Variants in ACSS3 observed in about 807,000 individuals in gnomAD.
ACSS3 encodes acyl-CoA synthetase short chain family member 3.
In ACSS3, 64 loss-of-function variants were observed where a neutral mutation model predicts 84.2. That is an observed-to-expected ratio of 0.76 (90% confidence interval 0.62 to 0.94). ACSS3 has a LOEUF of 0.94. Among genes scored for constraint, ACSS3 ranks in the 40% least tolerant of loss-of-function variants. The probability of loss-of-function intolerance (pLI) is 0.00; values close to 1 mark genes in which losing one functional copy is unlikely to be tolerated. For missense variants in ACSS3, 815 were observed against 867.6 expected (o/e 0.94, Z 0.76); for synonymous variants, 317 against 310.1 (o/e 1.02, Z -0.23).
At chr12:81,241,782 G>A (rs1386877872) in intron 13 of ACSS3, among the ~76,000 whole-genome samples, 7 of 151,772 alleles carry the variant, frequency 4.6e-5, no homozygotes, top group East Asian at 3.9e-4. Context: ...CCCATTTTGT[G>A]GGTTGCCTGT....
chr12:81,118,891 G>A, intron 2 of ACSS3, among the ~76,000 whole-genome samples: 1 of 152,088 alleles, frequency 6.6e-6, no homozygotes, highest in Non-Finnish European at 1.5e-5. Flanking sequence ...CTACTGAATG[G>A]TAGTGTGATA....
At chr12:81,127,168 A>G (rs1885155604) in intron 2 of ACSS3, among the ~76,000 whole-genome samples, 1 of 151,856 alleles carries the variant, frequency 6.6e-6, no homozygotes, top group South Asian at 2.1e-4. Context: ...TTGGCTTAGC[A>G]TAATATCATC....
chr12:81,105,213 A>G (rs1412642171), intron 1 of ACSS3, among the ~76,000 whole-genome samples: 1 of 152,122 alleles, frequency 6.6e-6, no homozygotes, highest in Admixed American at 6.5e-5. Context: ...AAGTGCTTCA[A>G]GGAACAATTA....
At chr12:81,096,317 T>A (rs1445414298) in intron 1 of ACSS3, among the ~76,000 whole-genome samples, 2 of 152,226 alleles carry the variant, frequency 1.3e-5, no homozygotes, top group Non-Finnish European at 2.9e-5. Context: ...TACAAGCTTT[T>A]ATTTTAAAAT....
chr12:81,187,080 T>C lies in ACSS3; in HGVS notation c.1250+12141T>C, dbSNP rs1593174708. 2.0e-5 allele frequency among the ~76,000 whole-genome samples: 3 copies of C among 151,992 alleles called. No homozygotes were observed. In the East Asian group the frequency reaches 5.8e-4, roughly 29 times the overall value. On this transcript the variant is annotated intron_variant, in intron 8 of 15. Transcript: ENST00000548058. The stretch of plus-strand genomic sequence containing the variant: ...ACAACATAGATGAAGCTGGAGACAC[T>C]ACGTTGTTAAATAGGTCAGACACAG...
chr12:81,240,873 A>C (rs183364091), intron 13 of ACSS3, among the ~76,000 whole-genome samples: 69 of 152,178 alleles, frequency 4.5e-4, no homozygotes, highest in African/African-American at 1.5e-3. Context: ...TTTAGGGTAC[A>C]TGTGCACCAT....
At chr12:81,121,472 C>G (rs1404432264) in intron 2 of ACSS3, among the ~76,000 whole-genome samples, 1 of 151,714 alleles carries the variant, frequency 6.6e-6, no homozygotes, top group African/African-American at 2.4e-5. Flanking sequence ...TTCATAAAGG[C>G]AAAACATTTT....
intron 8 of ACSS3, among the ~76,000 whole-genome samples, chr12:81,191,694 T>C (rs961485441): frequency 6.6e-6 from 1 of 152,186 alleles, no homozygotes; most frequent in African/African-American, 2.4e-5. Context: ...TTCTACTTTA[T>C]TTTCCCTTCT....
chr12:81,161,569 C>A (rs528088824), intron 7 of ACSS3, among the ~76,000 whole-genome samples: 1 of 152,264 alleles, frequency 6.6e-6, no homozygotes, highest in South Asian at 2.1e-4. Context: ...AATGCTTTTT[C>A]TTAAATTCAT....
At chr12:81,159,654 C>T (rs74350539) in intron 7 of ACSS3, among the ~76,000 whole-genome samples, 319 of 152,264 alleles carry the variant, frequency 2.1e-3, no homozygotes, top group African/African-American at 6.8e-3. Flanking sequence ...TAACCCTAAC[C>T]GTGTATGAAC....
rs115692373 is a variant in ACSS3 at position 81,196,598 on chromosome 12, G to C, written c.1251-2743G>C. ...TTGTATTAGCCCATTTTGCATTGTT[G>C]TAAAGGAATACCTGAGGCTGGATAA... On this transcript the variant is annotated intron_variant, in intron 8 of 15. Transcript: ENST00000548058. Among the ~76,000 whole-genome samples, 627 of 152,004 alleles carry C rather than the reference G, an allele frequency of 4.1e-3. 9 individuals carry two copies. Among genetic ancestry groups the C allele is most frequent in the African/African-American group, 0.014 (597 of 41,424 alleles).
chr12:81,231,879 G>T (rs1256367551), intron 12 of ACSS3, among the ~76,000 whole-genome samples: 1 of 115,140 alleles, frequency 8.7e-6, no homozygotes, highest in Non-Finnish European at 1.8e-5. Context: ...CACCCCCACC[G>T]CCTAACCCCA....
At chr12:81,201,566 C>T (rs2032111477) in intron 9 of ACSS3, among the ~76,000 whole-genome samples, 1 of 152,200 alleles carries the variant, frequency 6.6e-6, no homozygotes. Flanking sequence ...CTGGTGGATA[C>T]TCAGTTCCAT....
chr12:81,136,954 C>A (rs1885834535), intron 3 of ACSS3, among the ~76,000 whole-genome samples: 1 of 151,916 alleles, frequency 6.6e-6, no homozygotes, highest in Non-Finnish European at 1.5e-5. Flanking sequence ...GATGGTTGAC[C>A]TTTAGAGTTT....
At chr12:81,187,885 C>G (rs115181253) in intron 8 of ACSS3, among the ~76,000 whole-genome samples, 13 of 151,646 alleles carry the variant, frequency 8.6e-5, no homozygotes, top group African/African-American at 3.1e-4. Flanking sequence ...CTCAAGGTTA[C>G]GCAGGTAAGC....
chr12:81,177,925 A>G (rs914062490), intron 8 of ACSS3, among the ~76,000 whole-genome samples: 6 of 152,204 alleles, frequency 3.9e-5, no homozygotes, highest in Non-Finnish European at 7.3e-5. Flanking sequence ...AGGGATCTAG[A>G]ACTTGAAATA....
At chr12:81,167,516 G>C (rs1437795937) in intron 7 of ACSS3, among the ~76,000 whole-genome samples, 1 of 152,166 alleles carries the variant, frequency 6.6e-6, no homozygotes, top group East Asian at 1.9e-4. Flanking sequence ...GGTGCTGGAA[G>C]GTTCTGTCTC....
chr12:81,157,713 A>G (rs61698035), intron 7 of ACSS3, among the ~76,000 whole-genome samples: 5,117 of 152,146 alleles, frequency 0.034, 119 homozygotes, highest in African/African-American at 0.052. Flanking sequence ...AGGCTGAGGC[A>G]AGAGAATCGC....
intron 8 of ACSS3, among the ~76,000 whole-genome samples, chr12:81,190,915 A>G (rs368759194): frequency 4.6e-5 from 7 of 152,032 alleles, no homozygotes; most frequent in African/African-American, 1.7e-4. Context: ...TTAAGTGTCA[A>G]ATAATTCTTA....
Sources: gnomAD v4.1 joint callset for allele counts (sites outside exome capture counted in the v4.1 genomes callset) on GRCh38, gnomAD v4.1.1 for gene constraint, MANE v1.5 for transcripts, NCBI Gene and HGNC (gene_info 2026-07-23, HGNC 2026-07-21) for gene names.